PCSK6: variants seen among roughly 807,000 people sequenced by gnomAD.
The protein encoded by PCSK6 is proprotein convertase subtilisin/kexin type 6, also known as paired basic amino acid cleaving enzyme 4.
PCSK6 carries 85 observed loss-of-function variants against 123.3 expected under a neutral mutation model. The ratio of observed to expected loss-of-function variants is 0.69; its 90% CI spans 0.58 to 0.83. The LOEUF is 0.83. Among genes scored for constraint, PCSK6 ranks in the 40% least tolerant of loss-of-function variants. PCSK6 has a pLI of 0.00. For missense variants in PCSK6, 1,191 were observed against 1,282.3 expected, an observed-to-expected ratio of 0.93 and a Z score of 1.09; for synonymous variants, 508 against 516.0, an observed-to-expected ratio of 0.98 and a Z score of 0.21.
chr15:101,443,950 T>C (rs1165980592), intron 1 of PCSK6, among the ~76,000 whole-genome samples: 1 of 152,232 alleles, frequency 6.6e-6, no homozygotes, highest in Non-Finnish European at 1.5e-5. Flanking sequence ...TGGACTATCA[T>C]GGCCAAGTTT....
chr15:101,403,849 A>G (rs1047554885), intron 6 of PCSK6, among the ~76,000 whole-genome samples: 2 of 152,102 alleles, frequency 1.3e-5, no homozygotes, highest in Admixed American at 6.6e-5. Flanking sequence ...CCAACCAAGT[A>G]GCTGGGATTA....
At chr15:101,384,824 A>G (rs1359400816) in intron 9 of PCSK6, among the ~76,000 whole-genome samples, 1 of 152,234 alleles carries the variant, frequency 6.6e-6, no homozygotes, top group African/African-American at 2.4e-5. Context: ...CATTCAAACC[A>G]CGATTGGCCG....
At chr15:101,401,328 T>C (rs55712187) in intron 6 of PCSK6, among the ~76,000 whole-genome samples, 56,889 of 152,126 alleles carry the variant, frequency 0.37, 10,954 homozygotes, top group Non-Finnish European at 0.43. Flanking sequence ...TAGGAATAAA[T>C]GTAACTTCAG....
intron 1 of PCSK6, among the ~76,000 whole-genome samples, chr15:101,469,145 GA>G (rs558991010): frequency 1.0e-3 from 153 of 152,060 alleles, no homozygotes; most frequent in African/African-American, 3.3e-3. Context: ...ATTACAGGGA[GA>G]AAAAACACTC....
chr15:101,306,216 A>C (rs1235687739), intron 21 of PCSK6, among the ~76,000 whole-genome samples: 1 of 152,092 alleles, frequency 6.6e-6, no homozygotes, highest in Non-Finnish European at 1.5e-5. Flanking sequence ...TTGAGGATGC[A>C]TCATCCGTGG....
At chr15:101,475,762 A>AG (rs2057715922) in intron 1 of PCSK6, among the ~76,000 whole-genome samples, 1 of 150,002 alleles carries the variant, frequency 6.7e-6, no homozygotes, top group Non-Finnish European at 1.5e-5. Flanking sequence ...AAGTGCTGGG[A>AG]CTACAAGTGT....
chr15:101,306,903 C>T (rs924512858), intron 21 of PCSK6, among the ~76,000 whole-genome samples: 38 of 152,280 alleles, frequency 2.5e-4, no homozygotes, highest in African/African-American at 8.7e-4. Context: ...TCCGGGCCAC[C>T]GGCGGCCTAT....
rs149902723 is a variant in PCSK6, at chr15:101,412,691, T to TTATATATATATATATA, written c.824-14131_824-14116dup. ...ACAGAAGAAAGAGTGAACTGGAAAA[T>TTATATATATATATATA]TATATATATATATATATATATAAAA... On this transcript the variant is annotated intron_variant, in intron 6 of 21. Coordinates refer to ENST00000611716, the MANE Select transcript of PCSK6 (RefSeq NM_002570.5). Among the ~76,000 whole-genome samples the TTATATATATATATATA allele has an allele frequency of 2.5e-3, 312 of 124,658 alleles. 5 individuals are homozygous for TTATATATATATATATA. Among genetic ancestry groups the TTATATATATATATATA allele is most frequent in the African/African-American group, 7.9e-3 (227 of 28,894 alleles). 81.8% of individuals were successfully genotyped at this position (124,658 alleles called of 152,430 possible). A position where few individuals can be genotyped will look rare whatever the true frequency, so the allele number is the denominator to read the frequency against.
intron 2 of PCSK6, among the ~76,000 whole-genome samples, chr15:101,438,243 T>A (rs11632780): frequency 0.59 from 90,521 of 152,150 alleles, 28,197 homozygotes; most frequent in African/African-American, 0.8. Context: ...AGTCACTGTC[T>A]GTACCTCTGT....
chr15:101,422,857 G>A (rs1056399298), intron 6 of PCSK6, among the ~76,000 whole-genome samples: 4 of 152,168 alleles, frequency 2.6e-5, no homozygotes, highest in African/African-American at 7.2e-5. Context: ...TCCTGATCTC[G>A]GGATCCACCC....
chr15:101,412,108 G>A (rs143149763), intron 6 of PCSK6, among the ~76,000 whole-genome samples: 466 of 152,298 alleles, frequency 3.1e-3, no homozygotes, highest in Middle Eastern at 0.01. Flanking sequence ...GGGTATCAGC[G>A]GAGGCTGAAT....
chr15:101,414,935 G>T (rs1022909687), intron 6 of PCSK6, among the ~76,000 whole-genome samples: 1 of 152,010 alleles, frequency 6.6e-6, no homozygotes. Context: ...TAGAAATAAA[G>T]AATATATGAG....
chr15:101,426,500 G>A (rs2056260051), intron 6 of PCSK6, among the ~76,000 whole-genome samples: 1 of 152,248 alleles, frequency 6.6e-6, no homozygotes, highest in Non-Finnish European at 1.5e-5. Flanking sequence ...AAAGGAGCCA[G>A]GCCAGTTGAC....
At chr15:101,399,713 C>T (rs1874274) in intron 6 of PCSK6, among the ~76,000 whole-genome samples, 52,555 of 151,904 alleles carry the variant, frequency 0.35, 9,886 homozygotes, top group Non-Finnish European at 0.43. Flanking sequence ...CACACTCTTC[C>T]TGGATTCTAG....
Position 101,354,622 on chromosome 15 carries a change from C to T in PCSK6, c.1858+11574G>A, listed in dbSNP as rs541738704. Among the ~76,000 whole-genome samples the T allele has an allele frequency of 2.2e-4, 34 of 152,354 alleles. 1 individual carries two copies. Among genetic ancestry groups the T allele is most frequent in the East Asian group, 1.5e-3 (8 of 5,190 alleles). On this transcript the variant is annotated intron_variant, in intron 13 of 21. Transcript: ENST00000611716. ...AGACAGTCTTGCATTCTGACCTCTTCGGAAGAAATGTTTCCCATACATGTG... is the reference window on the plus strand; with the variant it reads ...AGACAGTCTTGCATTCTGACCTCTTTGGAAGAAATGTTTCCCATACATGTG...
chr15:101,474,412 C>T (rs1203623529), intron 1 of PCSK6, among the ~76,000 whole-genome samples: 5 of 152,312 alleles, frequency 3.3e-5, no homozygotes, highest in South Asian at 2.1e-4. Context: ...ACTGGCGCCA[C>T]GGCGGTGATC....
chr15:101,412,471 G>A (rs2055723131), intron 6 of PCSK6, among the ~76,000 whole-genome samples: 2 of 151,052 alleles, frequency 1.3e-5, no homozygotes, highest in South Asian at 4.2e-4. Flanking sequence ...ATTTTAAAGA[G>A]GCCATGAAAA....
chr15:101,381,835 G>A (rs1434597928), intron 11 of PCSK6, among the ~76,000 whole-genome samples: 1 of 152,266 alleles, frequency 6.6e-6, no homozygotes, highest in Admixed American at 6.5e-5. Flanking sequence ...GGTTCAGGCT[G>A]AGGAACTGAT....
rs117775806 is a variant in PCSK6 at position 101,470,711 on chromosome 15, C to T, written c.297+18663G>A. On this transcript the variant is annotated intron_variant, in intron 1 of 21. Coordinates refer to ENST00000611716, the MANE Select transcript of PCSK6 (RefSeq NM_002570.5). ...CAACGTGCCCTAAATTTACCAGCAGCTTCTCCTAGGCCGGGGTTCTCCCAC... is the reference window on the plus strand; with the variant it reads ...CAACGTGCCCTAAATTTACCAGCAGTTTCTCCTAGGCCGGGGTTCTCCCAC... Among the ~76,000 whole-genome samples, 31 of 152,358 alleles carry T rather than the reference C, an allele frequency of 2.0e-4. No individual in the cohort carries two copies. The East Asian group carries it at 6.0e-3, about 29-fold the overall frequency.
Sources: gnomAD v4.1 joint callset for allele counts (sites outside exome capture counted in the v4.1 genomes callset) on GRCh38, gnomAD v4.1.1 for gene constraint, MANE v1.5 for transcripts, NCBI Gene and HGNC (gene_info 2026-07-23, HGNC 2026-07-21) for gene names.